AARS2: variants seen among roughly 807,000 people sequenced by gnomAD.
AARS2 encodes the protein alanine--tRNA ligase, mitochondrial.
AARS2 carries 78 observed loss-of-function variants against 119.7 expected under a neutral mutation model. That is an observed-to-expected ratio of 0.65 (90% CI 0.54 to 0.79). The LOEUF is 0.79. Among genes scored for constraint, AARS2 ranks in the 30% least tolerant of loss-of-function variants. The pLI, the probability that AARS2 is intolerant of heterozygous loss-of-function variation, is 0.00. For synonymous variants in AARS2, 502 were observed against 526.3 expected (o/e 0.95, Z 0.63); for missense variants, 1,157 against 1,291.3 (o/e 0.90, Z 1.59).
rs1394521938 is a variant in AARS2, at chr6:44,313,135, G to A, written c.189C>T (p.Ser63=). The change falls in exon 1 of 22, where the codon TCC becomes TCT. Residue 63 remains serine, a synonymous_variant. Transcript: ENST00000244571. The stretch of plus-strand genomic sequence containing the variant: ...AACTGGGGTCGCCGCGGGGCCGCAC[G>A]GAAGCGGAGGGCACCAGCCGGTGGC... ...RHGHRLVPSA[S]VRPRGDPSLL... 3 of 1,611,750 alleles carry A rather than the reference G, an allele frequency of 1.9e-6. No homozygotes were observed. The highest frequency in any genetic ancestry group is 4.5e-5 in the East Asian group (2 of 44,802).
At position 44,313,317 on chromosome 6, in the gene AARS2, C is replaced by T; in HGVS notation, c.7G>A (p.Ala3Thr). 1 of 1,601,816 alleles carries T rather than the reference C, an allele frequency of 6.2e-7. No individual in the cohort carries two copies. ...CTCCGGGCTGCAGCTGCCACTGACGCTGCCATCGTAGCTCCGGGCAGTGAC... is the reference window on the plus strand; with the variant it reads ...CTCCGGGCTGCAGCTGCCACTGACGTTGCCATCGTAGCTCCGGGCAGTGAC... MA[A>T]SVAAAARRLR... The change falls in exon 1 of 22, where the codon GCG becomes ACG. Residue 3 changes from alanine to threonine, a missense_variant. Physicochemically the swap from Ala to Thr is moderately conservative, Grantham distance 58 (BLOSUM62 0). Coordinates refer to ENST00000244571, the MANE Select transcript of AARS2 (RefSeq NM_020745.4).
chr6:44,311,042 G>C lies in AARS2; in HGVS notation c.701C>G (p.Ala234Gly), dbSNP rs748219620. 6.2e-7 allele frequency: 1 copy of C among 1,613,868 alleles called. No individual in the cohort carries two copies. Among genetic ancestry groups the C allele is most frequent in the African/African-American group, 1.3e-5 (1 of 74,912 alleles). ...GTTCCAAAGCTCTACCAGCTGGGGG[G>C]CTCCCACCCCACCAGCAAGGTCGTA... is the stretch of plus-strand genomic sequence containing the variant. Reference protein sequence around the residue: ...IHYDLAGGVGAPQLVELWNLV... With the variant: ...IHYDLAGGVGGPQLVELWNLV... The change falls in exon 4 of 22, where the codon GCC (alanine) becomes GGC (glycine). Residue 234 changes from alanine (A) to glycine (G), a missense_variant. Physicochemically the swap from Ala to Gly is moderately conservative, Grantham distance 60 (BLOSUM62 0). Coordinates refer to ENST00000244571, the MANE Select transcript of AARS2 (RefSeq NM_020745.4).
chr6:44,306,189 T>A (rs1036221037), intron 9 of AARS2, 91 bp downstream of exon 9: 1 of 1,207,386 alleles, frequency 8.3e-7, no homozygotes, highest in African/African-American at 1.5e-5. Context: ...GGGGTGGATA[T>A]GAGGCATGGG....
In AARS2 at chr6:44,306,973, C is replaced by T. The variant is rs771205692; in HGVS notation, c.1099G>A (p.Ala367Thr). Reference sequence around the variant, plus strand: ...AGGCTGCCTAGGAAGCCAGGTGGTGCCTTTAAGATCTCCATGGAGAAACGC... The same window carrying T: ...AGGCTGCCTAGGAAGCCAGGTGGTGTCTTTAAGATCTCCATGGAGAAACGC... ...AVRFSMEILK[A>T]PPGFLGSLVP... Residue 367 changes from alanine (A) to threonine (T), a missense_variant, in exon 7 of 22, where the codon GCA becomes ACA. Transcript: ENST00000244571. The T allele has an allele frequency of 6.2e-7, 1 of 1,614,054 alleles. No homozygotes were observed. Among genetic ancestry groups the T allele is most frequent in the Non-Finnish European group, 8.5e-7 (1 of 1,179,976 alleles).
In AARS2 at chr6:44,299,728, AAAG is replaced by A. The variant is rs1294611673; in HGVS notation, c.*816_*818del. ...CATTGTTAATGAAAGAAGTAATAGC[AAAG>A]AAGGTCTCCAGTGCTGAAATGATTT... On this transcript the variant is annotated 3_prime_UTR_variant, in exon 22 of 22. Coordinates refer to ENST00000244571, the MANE Select transcript of AARS2 (RefSeq NM_020745.4). 2 of 152,180 alleles carry A rather than the reference AAAG, an allele frequency of 1.3e-5. No homozygotes were observed. The highest frequency in any genetic ancestry group is 1.9e-4 in the East Asian group (1 of 5,186). 9.4% of individuals were successfully genotyped at this position (152,180 alleles called of 1,614,324 possible).
rs1255404162 is a variant in AARS2 at position 44,307,727 on chromosome 6, G to A, written c.895-333C>T. 1 of 370,956 alleles carries A rather than the reference G, an allele frequency of 2.7e-6. No homozygotes were observed. The allele number at this position is 370,956 out of a possible 1,614,324, so 23.0% of individuals were successfully genotyped here. Reference sequence around the variant, plus strand: ...GCATGCTTGCTTTAAAGAAGAAGAAGCTGAGGCTCAGAGGAACTCAGTGAC... The same window carrying A: ...GCATGCTTGCTTTAAAGAAGAAGAAACTGAGGCTCAGAGGAACTCAGTGAC... On this transcript the variant is annotated intron_variant, in intron 5 of 21. Coordinates refer to ENST00000244571, the MANE Select transcript of AARS2 (RefSeq NM_020745.4). This position sits in a 1 kb window ranked among gnomAD's most constrained non-coding sequence, Gnocchi z 4.4.
intron 5 of AARS2, among the ~76,000 whole-genome samples, chr6:44,309,030 T>C (rs1431425382): frequency 1.3e-5 from 2 of 152,238 alleles, no homozygotes; most frequent in Admixed American, 6.5e-5. Context: ...CATATGCCAC[T>C]TTAAAATGGG....
rs1362064811 is a variant in AARS2, at chr6:44,303,111, G to C, written c.2210C>G (p.Ala737Gly). Reference protein sequence around the residue: ...GVPVAHALDPASQAALQTSVE... With the variant: ...GVPVAHALDPGSQAALQTSVE... ...AGAGGTCTGCAGTGCGGCTTGGGAG[G>C]CTGGGTCCAATGCATGGGCCACGGG... Residue 737 changes from alanine (A) to glycine (G), a missense_variant, in exon 16 of 22, where the codon GCC becomes GGC. By Grantham distance (60) the Ala-to-Gly change is moderately conservative. Transcript: ENST00000244571. The C allele has an allele frequency of 4.3e-6, 7 of 1,613,972 alleles. No homozygotes were observed. The South Asian group carries it at 4.4e-5, about 10-fold the overall frequency.
chr6:44,312,294 G>A, intron 1 of AARS2, 31 bp from the exon 2 acceptor site: 1 of 1,604,698 alleles, frequency 6.2e-7, no homozygotes, highest in Non-Finnish European at 8.5e-7. Flanking sequence ...GAGGGGGAGA[G>A]GGATATCCAA....
At position 44,313,263 on chromosome 6, in the gene AARS2, C is replaced by A. The variant is rs1786534688; in HGVS notation, c.61G>T (p.Ala21Ser). 1 of 1,596,018 alleles carries A rather than the reference C, an allele frequency of 6.3e-7. No individual in the cohort carries two copies. The highest frequency in any genetic ancestry group is 8.5e-7 in the Non-Finnish European group (1 of 1,175,070). The change falls in exon 1 of 22, where the codon GCA becomes TCA. Residue 21 changes from alanine (A) to serine (S), a missense_variant. By Grantham distance (99) the Ala-to-Ser change is moderately conservative (BLOSUM62 1). Coordinates refer to ENST00000244571, the MANE Select transcript of AARS2 (RefSeq NM_020745.4). ...GGCCGATGGCTGAGGCCCCGCCATG[C>A]GGGCGACCTTCGAATGGCCCGCCGC... The part of the protein sequence containing the change: ...RLRRAIRRSP[A>S]WRGLSHRPLS...
intron 5 of AARS2, among the ~76,000 whole-genome samples, chr6:44,308,695 G>A (rs554627149): frequency 8.5e-4 from 130 of 152,186 alleles, no homozygotes; most frequent in African/African-American, 3.0e-3. Flanking sequence ...CACCTCCTGG[G>A]TTCAAGAGAT....
intron 18 of AARS2, 67 bp downstream of exon 18, chr6:44,302,324 G>A: frequency 6.2e-7 from 1 of 1,613,400 alleles, no homozygotes; most frequent in Non-Finnish European, 8.5e-7. Context: ...GAGTCTGAAG[G>A]AGTCCAGGGA....
chr6:44,304,573 C>T (rs1785667091), intron 12 of AARS2, 40 bp from the exon 13 acceptor site: 1 of 1,614,000 alleles, frequency 6.2e-7, no homozygotes. Context: ...TAGCCTTTCC[C>T]TCCCCTTGGC....
chr6:44,300,477 A>T lies in AARS2; in HGVS notation c.*70T>A. The T allele has an allele frequency of 6.2e-7, 1 of 1,603,952 alleles. No homozygotes were observed. The highest frequency in any genetic ancestry group is 8.5e-7 in the Non-Finnish European group (1 of 1,172,096). On this transcript the variant is annotated 3_prime_UTR_variant, in exon 22 of 22. Coordinates refer to ENST00000244571, the MANE Select transcript of AARS2 (RefSeq NM_020745.4). ...CTAGTCCTCGCTTCAGCATGTGGGAAGGTTCTGCTGGCTCCTTCAGGGCTC... is the reference window on the plus strand; with the variant it reads ...CTAGTCCTCGCTTCAGCATGTGGGATGGTTCTGCTGGCTCCTTCAGGGCTC...
Position 44,302,474 on chromosome 6 carries a change from C to T in AARS2, c.2404G>A (p.Ala802Thr). The T allele has an allele frequency of 6.2e-7, 1 of 1,614,152 alleles. No homozygotes were observed. The highest frequency in any genetic ancestry group is 8.5e-7 in the Non-Finnish European group (1 of 1,180,028). The change falls in exon 18 of 22, where the codon GCG (alanine) becomes ACG (threonine). Residue 802 changes from alanine to threonine, a missense_variant. Transcript: ENST00000244571. ...CCCAGACTCAGCCGCTCAGTGGCCG[C>T]TTTCACTTCCTGGGCCAGGCTCTGG... Reference protein sequence around the residue: ...LGQSLAQEVKAATERLSLGSR... With the variant: ...LGQSLAQEVKTATERLSLGSR...
intron 1 of AARS2, 51 bp downstream of exon 1, chr6:44,313,030 C>T (rs989170932): frequency 5.6e-6 from 9 of 1,608,718 alleles, no homozygotes; most frequent in Non-Finnish European, 7.6e-6. Flanking sequence ...GCGTCTTTCT[C>T]ACCAGAAAAC....
At chr6:44,312,374 C>T in intron 1 of AARS2, 111 bp from the exon 2 acceptor site, 1 of 1,099,152 alleles carries the variant, frequency 9.1e-7, no homozygotes, top group African/African-American at 1.6e-5. Flanking sequence ...CTGACTGTGC[C>T]CCTGAGAGTG....
chr6:44,306,620 C>CAAGGGTGTAGTAAAGGA, intron 7 of AARS2, 88 bp from the exon 8 acceptor site: 14 of 1,463,852 alleles, frequency 9.6e-6, no homozygotes, highest in Non-Finnish European at 1.3e-5. Context: ...AGGACACCTG[C>CAAGGGTGTAGTAAAGGA]CCTGGAGGCT....
chr6:44,301,333 C>T (rs770601474), intron 20 of AARS2, 48 bp downstream of exon 20: 1 of 1,613,600 alleles, frequency 6.2e-7, no homozygotes, highest in South Asian at 1.1e-5. Flanking sequence ...CTGGTCAGGA[C>T]TTTGCCCTCC....
Sources: allele counts gnomAD v4.1 joint callset (sites outside exome capture counted in the v4.1 genomes callset), GRCh38; gene constraint gnomAD v4.1.1; non-coding constraint Gnocchi (gnomAD v3.1); transcripts MANE v1.5; gene names NCBI Gene and HGNC (gene_info 2026-07-23, HGNC 2026-07-21).